Variants in PKD1L1 observed in about 807,000 individuals in gnomAD.
The protein encoded by PKD1L1 is polycystin 1 like 1, transient receptor potential channel interacting.
A neutral mutation model predicts 323.4 loss-of-function variants in PKD1L1; 236 were observed. The ratio of observed to expected loss-of-function variants is 0.73; its 90% CI spans 0.66 to 0.81. PKD1L1 has a LOEUF of 0.81. Ranked by LOEUF, PKD1L1 falls within the 40% of genes least tolerant of loss-of-function variation. The pLI, the probability that PKD1L1 is intolerant of heterozygous loss-of-function variation, is 0.00. For missense variants in PKD1L1, 3,320 were observed against 3,508.0 expected (o/e 0.95, Z 1.35); for synonymous variants, 1,344 against 1,335.0 (o/e 1.01, Z -0.15).
intron 13 of PKD1L1, among the ~76,000 whole-genome samples, chr7:47,898,853 C>A (rs1041285741): frequency 9.9e-5 from 15 of 151,570 alleles, no homozygotes; most frequent in Non-Finnish European, 2.1e-4. Flanking sequence ...CCAAAACATA[C>A]CCTTGTGCAA....
chr7:47,944,276 T>C (rs2128759388), intron 1 of PKD1L1, among the ~76,000 whole-genome samples: 1 of 152,184 alleles, frequency 6.6e-6, no homozygotes, highest in South Asian at 2.1e-4. Flanking sequence ...TCCCCTCCTC[T>C]TGCTCCTGCT....
At chr7:47,869,710 G>A (rs906748997) in intron 24 of PKD1L1, among the ~76,000 whole-genome samples, 3 of 152,080 alleles carry the variant, frequency 2.0e-5, no homozygotes, top group Non-Finnish European at 4.4e-5. Flanking sequence ...GGATACATAA[G>A]ACTCAAACAA....
At chr7:47,823,790 T>TC (rs1303639656) in intron 45 of PKD1L1, among the ~76,000 whole-genome samples, 1 of 152,188 alleles carries the variant, frequency 6.6e-6, no homozygotes, top group Non-Finnish European at 1.5e-5. Context: ...AAGAGAAATA[T>TC]CCCCCCTCCT....
rs181179211 is a variant in PKD1L1, at chr7:47,883,543, G to A, written c.3265+1055C>T. 7.9e-3 allele frequency among the ~76,000 whole-genome samples: 1,208 copies of A among 152,284 alleles called. 13 individuals are homozygous for A. The highest frequency in any genetic ancestry group is 0.027 in the African/African-American group (1,125 of 41,532). ...GACCTCCCTGCAGCTTCCCCATGTGGCCTTGTGTGGCCTGCCATGCCTCTT... is the reference window on the plus strand; with the variant it reads ...GACCTCCCTGCAGCTTCCCCATGTGACCTTGTGTGGCCTGCCATGCCTCTT... On this transcript the variant is annotated intron_variant, in intron 19 of 56. Transcript: ENST00000289672.
At chr7:47,824,977 A>T (rs1785213631) in intron 45 of PKD1L1, among the ~76,000 whole-genome samples, 1 of 152,238 alleles carries the variant, frequency 6.6e-6, no homozygotes, top group South Asian at 2.1e-4. Context: ...ATGCTGGATA[A>T]ATCGTAAATG....
intron 54 of PKD1L1, among the ~76,000 whole-genome samples, chr7:47,799,713 A>C (rs1784619305): frequency 6.6e-6 from 1 of 152,132 alleles, no homozygotes; most frequent in Admixed American, 6.6e-5. Flanking sequence ...CAGTGGAGGG[A>C]TCCGAGGGAA....
rs11412484 is a variant in PKD1L1, at chr7:47,811,154, C to CTT, written c.7581+661_7581+662dup. 3.3e-3 allele frequency among the ~76,000 whole-genome samples: 402 copies of CTT among 121,216 alleles called. 2 individuals are homozygous for CTT. Among genetic ancestry groups the CTT allele is most frequent in the South Asian group, 0.01 (42 of 4,050 alleles). The allele number at this position is 121,216 out of a possible 152,430, so 79.5% of individuals were successfully genotyped here. On this transcript the variant is annotated intron_variant, in intron 50 of 56. Coordinates refer to ENST00000289672, the MANE Select transcript of PKD1L1 (RefSeq NM_138295.5). ...GAGTGTGGGAAGTAAATGTCTCCTT[C>CTT]TTTTTTTTTTTTTTTTTTAGACGGA...
intron 18 of PKD1L1, 147 bp from the exon 19 acceptor site, chr7:47,884,804 G>C (rs1186522107): frequency 1.4e-6 from 1 of 726,110 alleles, no homozygotes; most frequent in Non-Finnish European, 2.3e-6. Context: ...ACCCTCAGTG[G>C]TGGTGTCTTC....
At chr7:47,807,301 T>A (rs1019366335) in intron 52 of PKD1L1, among the ~76,000 whole-genome samples, 1 of 151,674 alleles carries the variant, frequency 6.6e-6, no homozygotes, top group South Asian at 2.1e-4. Flanking sequence ...GGGGCACTGG[T>A]GGAGGAAGCA....
chr7:47,870,984 G>GAA (rs57805873), intron 24 of PKD1L1, among the ~76,000 whole-genome samples: 1 of 86,086 alleles, frequency 1.2e-5, no homozygotes, highest in Non-Finnish European at 2.3e-5. Context: ...AAAAAAAAAA[G>GAA]AAAAAAAAAA....
chr7:47,830,101 T>C lies in PKD1L1; in HGVS notation c.6497A>G (p.Gln2166Arg), dbSNP rs1331887787. The C allele has an allele frequency of 1.9e-6, 3 of 1,613,924 alleles. No homozygotes were observed. Among genetic ancestry groups the C allele is most frequent in the East Asian group, 2.2e-5 (1 of 44,894 alleles). ...AYRFGQEQCVQWLHLLSLSVV... is the reference protein window; with the variant it reads ...AYRFGQEQCVRWLHLLSLSVV... Reference sequence around the variant, plus strand: ...GGAGAGGGACAGCAGGTGCAGCCACTGCACACATTGCTCCTGGCCAAACCT... The same window carrying C: ...GGAGAGGGACAGCAGGTGCAGCCACCGCACACATTGCTCCTGGCCAAACCT... The change falls in exon 43 of 57, where the codon CAG becomes CGG. Residue 2166 changes from glutamine (Q) to arginine (R), a missense_variant. Gln to Arg is a conservative substitution (Grantham distance 43). Coordinates refer to ENST00000289672, the MANE Select transcript of PKD1L1 (RefSeq NM_138295.5).
intron 16 of PKD1L1, 34 bp from the exon 17 acceptor site, chr7:47,888,184 A>G (rs1786726392): frequency 2.0e-6 from 3 of 1,537,240 alleles, no homozygotes; most frequent in Non-Finnish European, 2.6e-6. Context: ...GATCTTAGGA[A>G]AATAATGTGA....
At chr7:47,889,491 G>A (rs1211928308) in intron 16 of PKD1L1, among the ~76,000 whole-genome samples, 3 of 152,110 alleles carry the variant, frequency 2.0e-5, no homozygotes, top group African/African-American at 7.2e-5. Flanking sequence ...GGGGCTCCCT[G>A]GGCAGTGCTG....
intron 56 of PKD1L1, among the ~76,000 whole-genome samples, chr7:47,781,681 T>G (rs1362205560): frequency 6.6e-6 from 1 of 152,106 alleles, no homozygotes; most frequent in African/African-American, 2.4e-5. Context: ...AGTGCTGGGA[T>G]TACAGGTGTG....
intron 19 of PKD1L1, among the ~76,000 whole-genome samples, chr7:47,882,525 A>G (rs1234982003): frequency 6.6e-6 from 1 of 152,042 alleles, no homozygotes; most frequent in African/African-American, 2.4e-5. Flanking sequence ...AGAGGAAGAG[A>G]GAGTGGTGTG....
chr7:47,792,762 G>T lies in PKD1L1; in HGVS notation c.8391C>A (p.Asp2797Glu), dbSNP rs373272346. 22 of 1,613,784 alleles carry T rather than the reference G, an allele frequency of 1.4e-5. No individual in the cohort carries two copies. In the African/African-American group the frequency reaches 1.7e-4, roughly 13 times the overall value. ...AACCATTAATCTTCATCAGAAGTTC[G>T]TCTAACAGATTTGCAAATTCATCCA... ...YYLDEFANLL[D>E]ELLMKINGLS... The change falls in exon 56 of 57, where the codon GAC becomes GAA. Residue 2797 changes from aspartate (D) to glutamate (E), a missense_variant. By Grantham distance (45) the Asp-to-Glu change is conservative (BLOSUM62 2). Coordinates refer to ENST00000289672, the MANE Select transcript of PKD1L1 (RefSeq NM_138295.5).
In PKD1L1 at chr7:47,936,633, C is replaced by T. The variant is rs1400391346; in HGVS notation, c.398+213G>A. 2.0e-5 allele frequency among the ~76,000 whole-genome samples: 3 copies of T among 152,176 alleles called. No individual in the cohort carries two copies. In the South Asian group the frequency reaches 6.2e-4, roughly 32 times the overall value. Reference sequence around the variant, plus strand: ...TGACATCACCTTCTACGGCTCCCAGCATTCGGGGGTTTGTCATACTACCTG... The same window carrying T: ...TGACATCACCTTCTACGGCTCCCAGTATTCGGGGGTTTGTCATACTACCTG... On this transcript the variant is annotated intron_variant, in intron 4 of 56. Transcript: ENST00000289672.
At chr7:47,790,611 G>T (rs553857864) in intron 56 of PKD1L1, among the ~76,000 whole-genome samples, 1 of 152,120 alleles carries the variant, frequency 6.6e-6, no homozygotes, top group Non-Finnish European at 1.5e-5. Flanking sequence ...GATTACAGGC[G>T]TGAGTCACCG....
chr7:47,960,443 A>G, the PKD1L1 span, among the ~76,000 whole-genome samples: 1 of 149,076 alleles, frequency 6.7e-6, no homozygotes, highest in African/African-American at 2.4e-5. Context: ...TGTAATATCA[A>G]ATAAAGTGAT....
Sources: allele counts gnomAD v4.1 joint callset (sites outside exome capture counted in the v4.1 genomes callset), GRCh38; gene constraint gnomAD v4.1.1; transcripts MANE v1.5; gene names NCBI Gene and HGNC (gene_info 2026-07-23, HGNC 2026-07-21).